TRERF1: variants seen among roughly 807,000 people sequenced by gnomAD.
The protein encoded by TRERF1 is transcriptional-regulating factor 1.
TRERF1 carries 27 observed loss-of-function variants against 122.9 expected under a neutral mutation model. The observed-to-expected ratio is 0.22, with a 90% CI of 0.16 to 0.30. The LOEUF is 0.30. Among genes scored for constraint, TRERF1 ranks in the 10% least tolerant of loss-of-function variants. The pLI, the probability that TRERF1 is intolerant of heterozygous loss-of-function variation, is 1.00. For synonymous variants in TRERF1, 636 were observed against 641.7 expected (o/e 0.99, Z 0.13); for missense variants, 1,248 against 1,560.3 (o/e 0.80, Z 3.37).
intron 13 of TRERF1, 44 bp from the exon 14 acceptor site, chr6:42,246,588 CCTG>C (rs1413561411): frequency 7.0e-7 from 1 of 1,431,456 alleles, no homozygotes; most frequent in East Asian, 2.4e-5. Flanking sequence ...CACAGTTCCC[CCTG>C]CTTTTAGTTG....
At chr6:42,392,135 T>C (rs1777850829) in intron 2 of TRERF1, among the ~76,000 whole-genome samples, 1 of 152,188 alleles carries the variant, frequency 6.6e-6, no homozygotes, top group Non-Finnish European at 1.5e-5. Context: ...TTGGAAGGAA[T>C]GCTCCATGAG....
chr6:42,377,473 T>A (rs537487241), intron 2 of TRERF1, among the ~76,000 whole-genome samples: 1 of 152,372 alleles, frequency 6.6e-6, no homozygotes, highest in East Asian at 1.9e-4. Context: ...TCAAGGTTCA[T>A]CCATGTTGTA....
intron 2 of TRERF1, among the ~76,000 whole-genome samples, chr6:42,431,797 G>T (rs1010642981): frequency 4.6e-5 from 7 of 151,940 alleles, no homozygotes; most frequent in Admixed American, 3.9e-4. Context: ...AAAGTGAGCC[G>T]CCATGTCTGA....
At chr6:42,443,302 T>C (rs1188163110) in intron 2 of TRERF1, among the ~76,000 whole-genome samples, 1 of 152,216 alleles carries the variant, frequency 6.6e-6, no homozygotes, top group Non-Finnish European at 1.5e-5. Flanking sequence ...TTTTTCATAA[T>C]AAAGATCATT....
At chr6:42,285,039 G>C (rs1782937291) in intron 4 of TRERF1, among the ~76,000 whole-genome samples, 3 of 152,160 alleles carry the variant, frequency 2.0e-5, no homozygotes, top group Non-Finnish European at 2.9e-5. Flanking sequence ...GTTTAAGAAA[G>C]GGATGGGGTT....
rs560590454 is a variant in TRERF1 at position 42,444,377 on chromosome 6, C to T, written c.-454+6800G>A. 1.1e-4 allele frequency among the ~76,000 whole-genome samples: 17 copies of T among 152,262 alleles called. 1 individual carries two copies. The South Asian group carries it at 3.5e-3, about 32-fold the overall frequency. ...TAAAGAATTCACTCTTTCCTCTGTG[C>T]CGCTCAGTAACGCAGTCAAATGTTC... On this transcript the variant is annotated intron_variant, in intron 2 of 17. Coordinates refer to ENST00000372922, the Ensembl canonical transcript of TRERF1.
chr6:42,345,502 G>T (rs1768103573), intron 3 of TRERF1, among the ~76,000 whole-genome samples: 1 of 152,168 alleles, frequency 6.6e-6, no homozygotes, highest in Non-Finnish European at 1.5e-5. Context: ...CTAGGACTCA[G>T]CAGCACCTCC....
In TRERF1 at chr6:42,308,881, C is replaced by T. The variant is rs117166340; in HGVS notation, c.-370-8132G>A. ...ATGAAATAATCTGTATAACAAACTC[C>T]CATGACATAAGTTTACCTCTGTAAC... On this transcript the variant is annotated intron_variant, in intron 3 of 17. Transcript: ENST00000372922. 3.0e-4 allele frequency among the ~76,000 whole-genome samples: 45 copies of T among 152,134 alleles called. 1 individual carries two copies. The East Asian group carries it at 8.5e-3, about 29-fold the overall frequency.
In TRERF1 at chr6:42,268,329, C is replaced by T. The variant is rs1032993120; in HGVS notation, c.1262G>A (p.Ser421Asn). 1.3e-6 allele frequency: 2 copies of T among 1,516,598 alleles called. No individual in the cohort carries two copies. The highest frequency in any genetic ancestry group is 2.3e-5 in the Admixed American group (1 of 44,146). The allele number at this position is 1,516,598 out of a possible 1,614,324, so 93.9% of individuals were successfully genotyped here. A position where few individuals can be genotyped will look rare whatever the true frequency, so the allele number is the denominator to read the frequency against. ...AGGAGGCCCCAGGTCCCCATGGGAG[C>T]TCAGCATGGCCTGGGCCTGTCTGTC... Residue 421 changes from serine (S) to asparagine (N), a missense_variant, in exon 5 of 18, where the codon AGC (serine) becomes AAC (asparagine). Transcript: ENST00000372922. The surrounding 1 kb of genome is among the most constrained non-coding windows in gnomAD (Gnocchi z 4.4).
rs116723390 is a variant in TRERF1 at position 42,417,776 on chromosome 6, G to A, written c.-454+33401C>T. 3.0e-3 allele frequency among the ~76,000 whole-genome samples: 459 copies of A among 152,306 alleles called. 3 individuals carry two copies. The highest frequency in any genetic ancestry group is 0.01 in the African/African-American group (432 of 41,560). On this transcript the variant is annotated intron_variant, in intron 2 of 17. Transcript: ENST00000372922. ...CCCTGTGGGCTCCAGGGAGTAACAG[G>A]AAGAAAGTGGTGTTTTGGTCACACC...
chr6:42,308,204 G>A (rs559053481), intron 3 of TRERF1, among the ~76,000 whole-genome samples: 1 of 152,322 alleles, frequency 6.6e-6, no homozygotes, highest in South Asian at 2.1e-4. Flanking sequence ...AGCTGAAAAG[G>A]TGGAAAGAAC....
intron 3 of TRERF1, among the ~76,000 whole-genome samples, chr6:42,311,159 G>C (rs1397228933): frequency 6.6e-6 from 1 of 152,208 alleles, no homozygotes; most frequent in Non-Finnish European, 1.5e-5. Flanking sequence ...TAGTGGAGGA[G>C]AATAACAATA....
chr6:42,375,137 A>C (rs559594889), intron 2 of TRERF1, among the ~76,000 whole-genome samples: 1 of 152,128 alleles, frequency 6.6e-6, no homozygotes, highest in Non-Finnish European at 1.5e-5. Context: ...CAGCCCAGGC[A>C]GGGCCTTCTG....
intron 2 of TRERF1, among the ~76,000 whole-genome samples, chr6:42,403,300 C>A (rs1198732326): frequency 6.6e-6 from 1 of 152,114 alleles, no homozygotes; most frequent in African/African-American, 2.4e-5. Flanking sequence ...AGGGTCTTTG[C>A]AGACATAGTT....
At chr6:42,341,523 G>A (rs76416356) in intron 3 of TRERF1, among the ~76,000 whole-genome samples, 11 of 152,316 alleles carry the variant, frequency 7.2e-5, no homozygotes, top group African/African-American at 1.4e-4. Context: ...GGGAGCAGGC[G>A]TAGAGCAAGG....
chr6:42,250,068 G>A (rs1775482982), intron 13 of TRERF1, among the ~76,000 whole-genome samples: 1 of 152,174 alleles, frequency 6.6e-6, no homozygotes, highest in Non-Finnish European at 1.5e-5. Flanking sequence ...ACCTGGTTCT[G>A]CCACTTACTC....
intron 3 of TRERF1, among the ~76,000 whole-genome samples, chr6:42,303,159 G>T (rs1052089019): frequency 1.3e-5 from 2 of 152,200 alleles, no homozygotes; most frequent in African/African-American, 2.4e-5. Flanking sequence ...CTGGTGCCTA[G>T]TATGTACTAG....
intron 5 of TRERF1, among the ~76,000 whole-genome samples, chr6:42,266,420 C>T (rs1039175679): frequency 2.0e-5 from 3 of 152,160 alleles, no homozygotes; most frequent in African/African-American, 7.2e-5. Context: ...AACTCCTGGG[C>T]TCAAGTGATC....
intron 2 of TRERF1, among the ~76,000 whole-genome samples, chr6:42,373,038 T>C (rs1774064747): frequency 6.6e-6 from 1 of 152,214 alleles, no homozygotes; most frequent in Non-Finnish European, 1.5e-5. Context: ...ATAATCAGGG[T>C]ACCCATGCTA....
Sources: gnomAD v4.1 joint callset for allele counts (sites outside exome capture counted in the v4.1 genomes callset) on GRCh38, gnomAD v4.1.1 for gene constraint, Gnocchi (gnomAD v3.1) non-coding constraint, MANE v1.5 for transcripts, NCBI Gene and HGNC (gene_info 2026-07-23, HGNC 2026-07-21) for gene names.